WARS1: variants seen among roughly 807,000 people sequenced by gnomAD.
WARS1 encodes tryptophan--tRNA ligase, cytoplasmic.
Under a neutral mutation model 47.8 loss-of-function variants are expected in WARS1, and 17 were observed. That is an observed-to-expected ratio of 0.36 (90% CI 0.24 to 0.53). WARS1 has a LOEUF of 0.53. Among genes scored for constraint, WARS1 ranks in the 20% least tolerant of loss-of-function variants. WARS1 has a pLI of 0.91. For synonymous variants in WARS1, 208 were observed against 228.1 expected (o/e 0.91, Z 0.79); for missense variants, 434 against 608.0 (o/e 0.71, Z 3.01).
chr14:100,348,425 T>A (rs1566846766), intron 6 of WARS1, among the ~76,000 whole-genome samples: 1 of 152,108 alleles, frequency 6.6e-6, no homozygotes, highest in African/African-American at 2.4e-5. Context: ...AGCAGCCGGC[T>A]GAGTTTCAGG....
intron 8 of WARS1, 45 bp from the exon 9 acceptor site, chr14:100,342,616 G>T: frequency 6.4e-7 from 1 of 1,557,044 alleles, no homozygotes; most frequent in Non-Finnish European, 8.7e-7. Context: ...CAGAAAACAT[G>T]CCAGCTTTCA....
intron 2 of WARS1, among the ~76,000 whole-genome samples, chr14:100,367,314 G>A (rs1896056861): frequency 6.6e-6 from 1 of 152,184 alleles, no homozygotes; most frequent in African/African-American, 2.4e-5. Flanking sequence ...GGCAGGCTGA[G>A]TGTGGTGGCT....
At chr14:100,357,764 A>C (rs1205234009) in intron 4 of WARS1, among the ~76,000 whole-genome samples, 1 of 152,230 alleles carries the variant, frequency 6.6e-6, no homozygotes, top group Admixed American at 6.5e-5. Context: ...CCCGGCCATC[A>C]GTTGTATTTC....
chr14:100,353,881 C>A lies in WARS1; in HGVS notation c.543-12G>T, dbSNP rs748523430. 6.8e-6 allele frequency: 11 copies of A among 1,610,952 alleles called. No homozygotes were observed. The highest frequency in any genetic ancestry group is 5.9e-6 in the Non-Finnish European group (7 of 1,178,394). Reference sequence around the variant, plus strand: ...CATCCTGGAGCCACCTAAAGAAACACAGGGGGAGAAAGCTGACGTCTCATC... The same window carrying A: ...CATCCTGGAGCCACCTAAAGAAACAAAGGGGGAGAAAGCTGACGTCTCATC... On this transcript the variant is annotated splice_polypyrimidine_tract_variant and intron_variant, in intron 5 of 10. Transcript: ENST00000392882.
chr14:100,365,124 TACACACACACACACACACACAC>T (rs59205319), intron 2 of WARS1, among the ~76,000 whole-genome samples: 1 of 137,768 alleles, frequency 7.3e-6, no homozygotes, highest in Non-Finnish European at 1.5e-5. Flanking sequence ...TCTCAAAAAA[TACACACACACACACACACACAC>T]ACACACACAC....
chr14:100,365,710 A>T (rs1895941693), intron 2 of WARS1: 1 of 192,184 alleles, frequency 5.2e-6, no homozygotes, highest in African/African-American at 2.4e-5. Flanking sequence ...AATCTACTAC[A>T]ACAAAAGCAG....
At chr14:100,355,956 T>C (rs556037685) in intron 4 of WARS1, among the ~76,000 whole-genome samples, 7 of 152,310 alleles carry the variant, frequency 4.6e-5, no homozygotes, top group Admixed American at 1.3e-4. Flanking sequence ...TTCTTGTGTT[T>C]ATGTGGAGCA....
At chr14:100,346,139 GA>G (rs1439961162) in intron 7 of WARS1, among the ~76,000 whole-genome samples, 1 of 151,074 alleles carries the variant, frequency 6.6e-6, no homozygotes, top group African/African-American at 2.4e-5. Context: ...AAAAGTCTAC[GA>G]AGCCAATGCA....
chr14:100,347,304 G>A (rs568477745), intron 6 of WARS1, among the ~76,000 whole-genome samples: 4 of 152,248 alleles, frequency 2.6e-5, no homozygotes, highest in South Asian at 2.1e-4. Context: ...AGAAACCCAC[G>A]GCCCGAGAAG....
intron 2 of WARS1, chr14:100,365,579 CAAAAAAA>C: frequency 1.6e-4 from 14 of 84,978 alleles, no homozygotes; most frequent in South Asian, 8.4e-4. Context: ...GACTCAGCCT[CAAAAAAA>C]AAAAAAAAAA....
intron 9 of WARS1, among the ~76,000 whole-genome samples, chr14:100,341,759 T>A (rs1336523800): frequency 6.6e-6 from 1 of 152,236 alleles, no homozygotes; most frequent in Non-Finnish European, 1.5e-5. Flanking sequence ...AGCAGGACTG[T>A]CCCGTGGATG....
At chr14:100,346,593 G>A (rs117957353) in intron 7 of WARS1, among the ~76,000 whole-genome samples, 153 bp downstream of exon 7, 2,430 of 152,280 alleles carry the variant, frequency 0.016, 33 homozygotes, top group Middle Eastern at 0.037. Context: ...CCAGGACAAC[G>A]ATGACCCACC....
At chr14:100,345,574 T>C (rs1311087960) in intron 7 of WARS1, among the ~76,000 whole-genome samples, 1 of 151,952 alleles carries the variant, frequency 6.6e-6, no homozygotes, top group East Asian at 1.9e-4. Flanking sequence ...CTTTGTTCAC[T>C]TGTTTATCTG....
At chr14:100,366,640 T>G (rs1357394787) in intron 2 of WARS1, 1 of 762,384 alleles carries the variant, frequency 1.3e-6, no homozygotes, top group Non-Finnish European at 2.4e-6. Flanking sequence ...CCCATGGACA[T>G]GGACATGAGC....
chr14:100,342,654 C>T, intron 8 of WARS1, 83 bp from the exon 9 acceptor site: 2 of 1,318,594 alleles, frequency 1.5e-6, no homozygotes, highest in South Asian at 1.4e-5. Context: ...TGAGCATCTT[C>T]CCAGAAGGCT....
chr14:100,372,208 A>C (rs1321372465), intron 1 of WARS1, among the ~76,000 whole-genome samples: 2 of 152,104 alleles, frequency 1.3e-5, no homozygotes, highest in Non-Finnish European at 2.9e-5. Context: ...AGGTGAAATA[A>C]ACAACCTTGT....
At chr14:100,358,083 G>A (rs997527962) in intron 4 of WARS1, among the ~76,000 whole-genome samples, 1 of 152,110 alleles carries the variant, frequency 6.6e-6, no homozygotes, top group Non-Finnish European at 1.5e-5. Context: ...GAAATGCAAG[G>A]GGCCCAGAAT....
At chr14:100,340,104 A>T (rs1170873852) in intron 9 of WARS1, 1 of 152,182 alleles carries the variant, frequency 6.6e-6, no homozygotes, top group Non-Finnish European at 1.5e-5. Context: ...GGAACCTGCC[A>T]TATGTGACAG....
chr14:100,350,800 A>G (rs532842251), intron 6 of WARS1, among the ~76,000 whole-genome samples: 1 of 152,336 alleles, frequency 6.6e-6, no homozygotes, highest in South Asian at 2.1e-4. Context: ...CAGATGTGGC[A>G]GAGGTAAGGC....
Sources: gnomAD v4.1 joint callset for allele counts (sites outside exome capture counted in the v4.1 genomes callset) on GRCh38, gnomAD v4.1.1 for gene constraint, MANE v1.5 for transcripts, NCBI Gene and HGNC (gene_info 2026-07-23, HGNC 2026-07-21) for gene names.